The following ADGRL2 variants were observed in gnomAD, a reference collection of about 807,000 sequenced individuals.
The protein encoded by ADGRL2 is adhesion G protein-coupled receptor L2.
Under a neutral mutation model 157.4 loss-of-function variants are expected in ADGRL2, and 44 were observed. The ratio of observed to expected loss-of-function variants is 0.28; its 90% CI spans 0.22 to 0.36. ADGRL2 has a LOEUF of 0.36. ADGRL2 is among the 10% of genes least tolerant of loss of function. The pLI is 1.00. For synonymous variants in ADGRL2, 585 were observed against 624.7 expected, an observed-to-expected ratio of 0.94 and a Z score of 0.95; for missense variants, 1,510 against 1,768.9, an observed-to-expected ratio of 0.85 and a Z score of 2.63.
chr1:81,668,185 G>A (rs916718568), intron 3 of ADGRL2, among the ~76,000 whole-genome samples: 1 of 152,022 alleles, frequency 6.6e-6, no homozygotes, highest in African/African-American at 2.4e-5. Flanking sequence ...CACTTTGGGG[G>A]GCGAAGTGGG....
chr1:81,386,261 C>A (rs892062879), intron 1 of ADGRL2, among the ~76,000 whole-genome samples: 3 of 152,006 alleles, frequency 2.0e-5, no homozygotes, highest in Admixed American at 2.0e-4. Context: ...ATAGAATAAA[C>A]CTAGTAAGCA....
intron 3 of ADGRL2, chr1:81,596,094 A>C: frequency 2.4e-5 from 8 of 335,384 alleles, no homozygotes; most frequent in East Asian, 6.7e-5. Context: ...CACAGTGGGA[A>C]CTAGGATCTT....
chr1:81,727,553 C>T lies in ADGRL2; in HGVS notation c.-143+27745C>T, dbSNP rs145600384. Among the ~76,000 whole-genome samples the T allele has an allele frequency of 2.0e-4, 31 of 152,184 alleles. 1 individual carries two copies. The East Asian group carries it at 6.0e-3, about 30-fold the overall frequency. ...GTTCAAGCAATTCTCCTGCCTCAGC[C>T]TCCCAAGTAGCTGGGATTACAGGCA... is the stretch of plus-strand genomic sequence containing the variant. On this transcript the variant is annotated intron_variant, in intron 1 of 20. Coordinates refer to the ADGRL2 transcript ENST00000359929.
intron 2 of ADGRL2, among the ~76,000 whole-genome samples, chr1:81,467,561 A>C (rs1211404725): frequency 6.6e-6 from 1 of 152,202 alleles, no homozygotes; most frequent in East Asian, 1.9e-4. Flanking sequence ...CCTTGCATGC[A>C]GGGAGAGCTG....
intron 2 of ADGRL2, among the ~76,000 whole-genome samples, chr1:81,778,197 T>C (rs12564951): frequency 0.5 from 75,407 of 151,384 alleles, 20,102 homozygotes; most frequent in East Asian, 0.85. Flanking sequence ...TGGCGGGCAC[T>C]TGTAGTCCCA....
intron 3 of ADGRL2, among the ~76,000 whole-genome samples, chr1:81,622,396 C>T (rs12121618): frequency 6.6e-6 from 1 of 151,712 alleles, no homozygotes; most frequent in Non-Finnish European, 1.5e-5. Context: ...TCCTGGCCAA[C>T]GTGGTGAAAC....
chr1:81,597,923 C>T (rs569529132), intron 3 of ADGRL2, among the ~76,000 whole-genome samples: 1 of 152,126 alleles, frequency 6.6e-6, no homozygotes, highest in Non-Finnish European at 1.5e-5. Context: ...GCAGTTCAGT[C>T]GTGCTGGGGA....
chr1:81,775,962 C>T (rs2086565381), intron 2 of ADGRL2, among the ~76,000 whole-genome samples: 2 of 152,074 alleles, frequency 1.3e-5, no homozygotes, highest in African/African-American at 4.8e-5. Context: ...GAACTAACTA[C>T]CTAGTCCTTG....
At chr1:81,953,598 A>G (rs1377667601) in intron 10 of ADGRL2, among the ~76,000 whole-genome samples, 1 of 152,150 alleles carries the variant, frequency 6.6e-6, no homozygotes, top group Non-Finnish European at 1.5e-5. Flanking sequence ...GCTAATAGGA[A>G]CAGAAAGCCA....
At chr1:81,977,581 TTC>T (rs1166394294) in intron 17 of ADGRL2, among the ~76,000 whole-genome samples, 16 of 151,982 alleles carry the variant, frequency 1.1e-4, no homozygotes, top group African/African-American at 3.9e-4. Context: ...TCTACTCCTC[TTC>T]TTTTTGCAAT....
chr1:81,401,700 C>G (rs1344425385), intron 1 of ADGRL2, among the ~76,000 whole-genome samples: 1 of 152,056 alleles, frequency 6.6e-6, no homozygotes, highest in Admixed American at 6.6e-5. Context: ...GCCAGTGAAC[C>G]TCAGGAAATG....
Position 81,483,291 on chromosome 1 carries a change from C to T in ADGRL2, c.-248+38202C>T, listed in dbSNP as rs936856610. Among the ~76,000 whole-genome samples, 15 of 152,114 alleles carry T rather than the reference C, an allele frequency of 9.9e-5. No homozygotes were observed. In the South Asian group the frequency reaches 1.2e-3, roughly 13 times the overall value. ...CTTAAGCCATTTAAAACAAAAACCA[C>T]GGCTGTTATAGCCTAAGAAGATAAG... On this transcript the variant is annotated intron_variant, in intron 2 of 24. Transcript: ENST00000370721.
rs541910927 is a variant in ADGRL2, at chr1:81,800,970, C to G, written c.-199C>G. Among the ~76,000 whole-genome samples the G allele has an allele frequency of 6.7e-6, 1 of 149,456 alleles. No homozygotes were observed. Among genetic ancestry groups the G allele is most frequent in the East Asian group, 2.0e-4 (1 of 5,062 alleles). The stretch of plus-strand genomic sequence containing the variant: ...CGCGTCCCTCGCCGCCACCGCCGCC[C>G]GGACAGCCCTGCGGCCGCCCCGCCG... On this transcript the variant is annotated 5_prime_UTR_variant, in exon 1 of 24. Transcript: ENST00000686636.
intron 2 of ADGRL2, among the ~76,000 whole-genome samples, chr1:81,481,351 T>A (rs1389565506): frequency 6.6e-6 from 1 of 152,244 alleles, no homozygotes; most frequent in Non-Finnish European, 1.5e-5. Context: ...TATGCATTGA[T>A]TCCAGAAAGA....
intron 1 of ADGRL2, among the ~76,000 whole-genome samples, chr1:81,365,704 A>G (rs1229169938): frequency 6.6e-6 from 1 of 152,176 alleles, no homozygotes. Flanking sequence ...TGGGATGGAA[A>G]CTATATTTTA....
intron 2 of ADGRL2, among the ~76,000 whole-genome samples, chr1:81,529,691 C>G (rs1271644784): frequency 2.0e-5 from 3 of 152,148 alleles, no homozygotes; most frequent in African/African-American, 7.2e-5. Flanking sequence ...ATGGGGAAGG[C>G]TGACTGTACT....
rs748702474 is a variant in ADGRL2, at chr1:81,984,692, G to A, written c.3392G>A (p.Arg1131His). ...GCATCAACCACCAGAACCAGTGCTC[G>A]CTATTCCTCTGGCACACAGGTAACA... ...VKASTTRTSA[R>H]YSSGTQSRIR... is the part of the protein sequence containing the mutation. The change falls in exon 20 of 24, where the codon CGC (arginine) becomes CAC (histidine). Residue 1131 changes from arginine to histidine, a missense_variant. This residue lies in a region of ADGRL2 where 497 missense variants were observed against 627.2 expected (regional missense o/e 0.79). Coordinates refer to ENST00000686636, the MANE Select transcript of ADGRL2 (RefSeq NM_001366006.2). The A allele has an allele frequency of 8.1e-6, 13 of 1,612,744 alleles. No individual in the cohort carries two copies. Among genetic ancestry groups the A allele is most frequent in the African/African-American group, 2.7e-5 (2 of 74,924 alleles).
chr1:81,813,840 G>A (rs2090121544), intron 1 of ADGRL2, among the ~76,000 whole-genome samples: 1 of 151,528 alleles, frequency 6.6e-6, no homozygotes, highest in Non-Finnish European at 1.5e-5. Flanking sequence ...TTCACAGTGA[G>A]GTAAGGGTTA....
intron 2 of ADGRL2, among the ~76,000 whole-genome samples, chr1:81,473,154 G>A (rs1018341855): frequency 2.0e-5 from 3 of 152,046 alleles, no homozygotes; most frequent in Admixed American, 2.0e-4. Context: ...GGGTGGGAGG[G>A]ACAGAGGGGA....
Sources: allele counts gnomAD v4.1 joint callset (sites outside exome capture counted in the v4.1 genomes callset), GRCh38; gene constraint gnomAD v4.1.1; regional missense constraint gnomAD v4.1.1; transcripts MANE v1.5; gene names NCBI Gene and HGNC (gene_info 2026-07-23, HGNC 2026-07-21).